DSCAM: variants seen among roughly 807,000 people sequenced by gnomAD.
DSCAM encodes the protein DS cell adhesion molecule.
In DSCAM, 47 loss-of-function variants were observed where a neutral mutation model predicts 217.7. That is an observed-to-expected ratio of 0.22 (90% CI 0.17 to 0.28). The LOEUF (loss-of-function observed/expected upper bound fraction) is 0.28. DSCAM is among the 10% of genes least tolerant of loss of function. DSCAM has a pLI of 1.00. For synonymous variants in DSCAM, 1,056 were observed against 1,015.3 expected (o/e 1.04, Z -0.76); for missense variants, 2,080 against 2,618.3 (o/e 0.79, Z 4.49).
intron 3 of DSCAM, among the ~76,000 whole-genome samples, chr21:40,600,065 A>G (rs1170686483): frequency 1.3e-5 from 2 of 152,220 alleles, no homozygotes; most frequent in Admixed American, 1.3e-4. Flanking sequence ...AACTATTTCA[A>G]ATAATTGAAA....
At chr21:40,166,068 C>T (rs1002177996) in intron 16 of DSCAM, among the ~76,000 whole-genome samples, 3 of 152,146 alleles carry the variant, frequency 2.0e-5, no homozygotes, top group Admixed American at 6.5e-5. Flanking sequence ...GCTGCATTAA[C>T]GCCCGTAATA....
chr21:40,758,928 C>A (rs1421992614), intron 1 of DSCAM, among the ~76,000 whole-genome samples: 1 of 152,114 alleles, frequency 6.6e-6, no homozygotes, highest in African/African-American at 2.4e-5. Context: ...TGATTTTTAG[C>A]CCTTTATCTG....
chr21:40,612,076 G>T (rs1329406869), intron 3 of DSCAM, among the ~76,000 whole-genome samples: 1 of 152,214 alleles, frequency 6.6e-6, no homozygotes, highest in Non-Finnish European at 1.5e-5. Flanking sequence ...CATACAGGCT[G>T]TTTGGGGTGA....
At chr21:40,044,714 C>T (rs1013823646) in intron 30 of DSCAM, among the ~76,000 whole-genome samples, 4 of 152,058 alleles carry the variant, frequency 2.6e-5, no homozygotes, top group African/African-American at 7.2e-5. Context: ...ACTTTGGTTA[C>T]GATGTTTGCA....
intron 11 of DSCAM, among the ~76,000 whole-genome samples, chr21:40,258,118 C>A (rs1258878368): frequency 6.6e-6 from 1 of 152,220 alleles, no homozygotes; most frequent in African/African-American, 2.4e-5. Flanking sequence ...ATCTGACCTG[C>A]ATCTCCGGGG....
At chr21:40,527,440 C>G (rs1445117931) in intron 3 of DSCAM, among the ~76,000 whole-genome samples, 1 of 152,178 alleles carries the variant, frequency 6.6e-6, no homozygotes, top group Admixed American at 6.5e-5. Context: ...ACTGAGCTAC[C>G]ATGTGAGGTA....
intron 27 of DSCAM, among the ~76,000 whole-genome samples, chr21:40,069,796 C>A (rs1418425651): frequency 6.6e-6 from 1 of 152,172 alleles, no homozygotes; most frequent in African/African-American, 2.4e-5. Flanking sequence ...TATAAACCTG[C>A]ATTTATGTTT....
At chr21:40,242,837 T>G (rs1229720141) in intron 11 of DSCAM, among the ~76,000 whole-genome samples, 1 of 152,234 alleles carries the variant, frequency 6.6e-6, no homozygotes, top group African/African-American at 2.4e-5. Context: ...GGTTGCTGCG[T>G]ACTGAGCAGA....
Position 40,458,840 on chromosome 21 carries a change from C to A in DSCAM, c.509-89595G>T, listed in dbSNP as rs542145375. Among the ~76,000 whole-genome samples the A allele has an allele frequency of 2.6e-5, 4 of 152,170 alleles. No individual in the cohort carries two copies. In the South Asian group the frequency reaches 8.3e-4, roughly 32 times the overall value. On this transcript the variant is annotated intron_variant, in intron 3 of 32. Transcript: ENST00000400454. ...ACAAAGAGAAGTTCATTAAATATTT[C>A]CCCACAAAGTTAGAACTTATCAGGA...
At chr21:40,798,163 A>G (rs1209284406) in intron 1 of DSCAM, among the ~76,000 whole-genome samples, 1 of 152,134 alleles carries the variant, frequency 6.6e-6, no homozygotes, top group Non-Finnish European at 1.5e-5. Flanking sequence ...CTTAATACAG[A>G]ATAAGCTAAG....
chr21:40,718,479 G>A (rs372872427), intron 1 of DSCAM, among the ~76,000 whole-genome samples: 12 of 152,322 alleles, frequency 7.9e-5, no homozygotes, highest in South Asian at 4.1e-4. Context: ...AGCAAGTCAC[G>A]TCTTACATGG....
intron 3 of DSCAM, among the ~76,000 whole-genome samples, chr21:40,656,945 C>G (rs1425669135): frequency 6.6e-6 from 1 of 152,212 alleles, no homozygotes; most frequent in African/African-American, 2.4e-5. Flanking sequence ...GTGCATGAAG[C>G]ATTGTTCCAC....
At chr21:40,751,907 A>C (rs1210012928) in intron 1 of DSCAM, among the ~76,000 whole-genome samples, 3 of 152,200 alleles carry the variant, frequency 2.0e-5, no homozygotes, top group Admixed American at 6.5e-5. Flanking sequence ...TCATAATATA[A>C]ATGACCCCAT....
chr21:40,662,470 T>C (rs566331626), intron 3 of DSCAM, among the ~76,000 whole-genome samples: 2 of 152,334 alleles, frequency 1.3e-5, no homozygotes, highest in South Asian at 4.1e-4. Context: ...ATCTTAACAC[T>C]CTTCTCCCAA....
intron 32 of DSCAM, among the ~76,000 whole-genome samples, chr21:40,023,700 C>A (rs1385034196): frequency 1.5e-5 from 1 of 65,608 alleles, no homozygotes; most frequent in Non-Finnish European, 3.1e-5. Context: ...CCTTCACCCA[C>A]TTTTCGATGG....
chr21:40,164,697 G>T lies in DSCAM; in HGVS notation c.3018+2521C>A, dbSNP rs145392765. On this transcript the variant is annotated intron_variant, in intron 16 of 32. Coordinates refer to ENST00000400454, the MANE Select transcript of DSCAM (RefSeq NM_001389.5). The stretch of plus-strand genomic sequence containing the variant: ...CATGCCTGTAATCCCAGCTACTTGG[G>T]AGGCTGAGGCAGGAGAATTGCTTGA... Among the ~76,000 whole-genome samples, 27 of 152,212 alleles carry T rather than the reference G, an allele frequency of 1.8e-4. 1 individual carries two copies. In the East Asian group the frequency reaches 5.2e-3, roughly 29 times the overall value.
At position 40,512,010 on chromosome 21, in the gene DSCAM, A is replaced by AAAAAAAAAAAAG. The variant is rs61560593; in HGVS notation, c.509-142766_509-142765insCTTTTTTTTTTT. Among the ~76,000 whole-genome samples the AAAAAAAAAAAAG allele has an allele frequency of 5.6e-5, 6 of 106,418 alleles. 2 individuals carry two copies. Among genetic ancestry groups the AAAAAAAAAAAAG allele is most frequent in the Non-Finnish European group, 5.5e-5 (3 of 54,106 alleles). 69.8% of individuals were successfully genotyped at this position (106,418 alleles called of 152,430 possible). ...TGTCTCAAAAAAAAAAAAAAAAAAA[A>AAAAAAAAAAAAG]GTATTCTATTTGAGGTCTTGCTTTT... On this transcript the variant is annotated intron_variant, in intron 3 of 32. Transcript: ENST00000400454.
chr21:40,782,005 A>AAAG (rs1555888311), intron 1 of DSCAM, among the ~76,000 whole-genome samples: 33 of 149,686 alleles, frequency 2.2e-4, no homozygotes, highest in Middle Eastern at 6.8e-3. Flanking sequence ...AAAAAAAAAA[A>AAAG]AAAAAGAAAA....
chr21:40,634,061 G>C (rs1434769708), intron 3 of DSCAM, among the ~76,000 whole-genome samples: 1 of 152,140 alleles, frequency 6.6e-6, no homozygotes, highest in Non-Finnish European at 1.5e-5. Context: ...TTATTCCTTA[G>C]TGGGATATGC....
Sources: gnomAD v4.1 joint callset for allele counts (sites outside exome capture counted in the v4.1 genomes callset) on GRCh38, gnomAD v4.1.1 for gene constraint, MANE v1.5 for transcripts, NCBI Gene and HGNC (gene_info 2026-07-23, HGNC 2026-07-21) for gene names.